Variants in PCDH7 observed in about 807,000 individuals in gnomAD.
The protein encoded by PCDH7 is protocadherin-7.
Under a neutral mutation model 58.9 loss-of-function variants are expected in PCDH7, and 17 were observed. That is an observed-to-expected ratio of 0.29 (90% CI 0.20 to 0.43). PCDH7 has a LOEUF of 0.43. Ranked by LOEUF, PCDH7 falls within the 20% of genes least tolerant of loss-of-function variation. PCDH7 has a pLI of 1.00. For missense variants in PCDH7, 1,274 were observed against 1,441.0 expected (o/e 0.88, Z 1.88); for synonymous variants, 664 against 616.4 (o/e 1.08, Z -1.14).
At chr4:31,080,787 A>G (rs1257577509) in intron 3 of PCDH7, among the ~76,000 whole-genome samples, 1 of 152,178 alleles carries the variant, frequency 6.6e-6, no homozygotes, top group Non-Finnish European at 1.5e-5. Context: ...CCCAAATCTC[A>G]TCTTGAATTG....
chr4:31,013,141 A>G (rs1456445629), intron 3 of PCDH7, among the ~76,000 whole-genome samples: 2 of 150,382 alleles, frequency 1.3e-5, no homozygotes, highest in Non-Finnish European at 3.0e-5. Context: ...GAGCTGTGAT[A>G]TGATCACACC....
At chr4:30,823,025 C>T (rs914347620) in intron 1 of PCDH7, among the ~76,000 whole-genome samples, 1 of 152,136 alleles carries the variant, frequency 6.6e-6, no homozygotes, top group Admixed American at 6.6e-5. Context: ...GTTGACAATA[C>T]AGGCATCACC....
At chr4:30,781,276 G>A (rs1446829433) in intron 1 of PCDH7, among the ~76,000 whole-genome samples, 1 of 151,474 alleles carries the variant, frequency 6.6e-6, no homozygotes, top group African/African-American at 2.4e-5. Context: ...GAGTAGCTGG[G>A]ACTACAGGTG....
chr4:30,733,990 A>G (rs1715885703), downstream of PCDH7, among the ~76,000 whole-genome samples: 1 of 152,174 alleles, frequency 6.6e-6, no homozygotes, highest in African/African-American at 2.4e-5. Context: ...AACTACAGCC[A>G]CATATGTGAT....
intron 1 of PCDH7, among the ~76,000 whole-genome samples, chr4:30,843,200 A>ATTAT (rs915556157): frequency 6.6e-5 from 10 of 150,674 alleles, no homozygotes; most frequent in East Asian, 2.0e-4. Context: ...ATAGAACTTT[A>ATTAT]TTATTTATTT....
chr4:30,899,767 G>A (rs910280492), intron 1 of PCDH7, among the ~76,000 whole-genome samples: 8 of 151,884 alleles, frequency 5.3e-5, no homozygotes, highest in African/African-American at 1.9e-4. Context: ...GTGTGTTTGT[G>A]GGGTGGGGGT....
intron 1 of PCDH7, among the ~76,000 whole-genome samples, chr4:30,850,311 G>T (rs531805554): frequency 2.0e-5 from 3 of 152,010 alleles, no homozygotes; most frequent in East Asian, 3.9e-4. Flanking sequence ...ATGGCTAAGC[G>T]CTGAGTTCGC....
chr4:30,946,597 G>C (rs1746707246), intron 2 of PCDH7, among the ~76,000 whole-genome samples: 1 of 151,682 alleles, frequency 6.6e-6, no homozygotes, highest in Non-Finnish European at 1.5e-5. Flanking sequence ...TCCAGTCTGT[G>C]AAAAGCAGTC....
chr4:30,745,642 C>T (rs1393180555), intron 1 of PCDH7, among the ~76,000 whole-genome samples: 1 of 151,934 alleles, frequency 6.6e-6, no homozygotes, highest in Non-Finnish European at 1.5e-5. Context: ...TCCTGTCACT[C>T]TTGGTCCCTG....
At chr4:30,828,009 T>A (rs891216198) in intron 1 of PCDH7, among the ~76,000 whole-genome samples, 2 of 152,142 alleles carry the variant, frequency 1.3e-5, no homozygotes, top group Admixed American at 1.3e-4. Flanking sequence ...CCTCTACTTC[T>A]GTTGCCTCAT....
At chr4:30,749,536 C>A (rs1324527552) in intron 1 of PCDH7, among the ~76,000 whole-genome samples, 1 of 152,002 alleles carries the variant, frequency 6.6e-6, no homozygotes, top group African/African-American at 2.4e-5. Flanking sequence ...GCCTGGTGGT[C>A]TTTTTTCTGT....
chr4:30,770,945 A>G (rs1721321165), intron 1 of PCDH7, among the ~76,000 whole-genome samples: 1 of 152,204 alleles, frequency 6.6e-6, no homozygotes, highest in Admixed American at 6.5e-5. Context: ...TTCCCACCAC[A>G]GAACACCACG....
At chr4:30,938,937 T>C (rs1745698129) in intron 2 of PCDH7, among the ~76,000 whole-genome samples, 1 of 152,182 alleles carries the variant, frequency 6.6e-6, no homozygotes, top group African/African-American at 2.4e-5. Context: ...AGTGTGTCCT[T>C]ATATTTTTGT....
intron 1 of PCDH7, 48 bp from the exon 2 acceptor site, chr4:30,920,105 A>ATTT: frequency 7.7e-7 from 1 of 1,293,612 alleles, no homozygotes. Flanking sequence ...AAATAAGATC[A>ATTT]TTTACAATCT....
chr4:30,788,568 G>T (rs1453506356), intron 1 of PCDH7, among the ~76,000 whole-genome samples: 1 of 151,968 alleles, frequency 6.6e-6, no homozygotes, highest in Non-Finnish European at 1.5e-5. Context: ...TTTATAAAAT[G>T]CCTATATTTC....
At chr4:31,103,793 A>C (rs1476189486) in intron 3 of PCDH7, among the ~76,000 whole-genome samples, 2 of 152,218 alleles carry the variant, frequency 1.3e-5, no homozygotes, top group Non-Finnish European at 2.9e-5. Context: ...GTACCTATTT[A>C]GAAACATTAA....
chr4:31,101,437 A>C (rs1323414945), intron 3 of PCDH7, among the ~76,000 whole-genome samples: 1 of 152,182 alleles, frequency 6.6e-6, no homozygotes, highest in Non-Finnish European at 1.5e-5. Flanking sequence ...TAGTGAGACA[A>C]TTTGGAGGAC....
At chr4:30,741,783 A>G (rs1184439180) in intron 1 of PCDH7, among the ~76,000 whole-genome samples, 1 of 152,244 alleles carries the variant, frequency 6.6e-6, no homozygotes, top group African/African-American at 2.4e-5. Context: ...GGGATGGAAC[A>G]ATCTGGCTCG....
At chr4:30,935,050 C>G (rs1315053555) in intron 2 of PCDH7, among the ~76,000 whole-genome samples, 1 of 151,988 alleles carries the variant, frequency 6.6e-6, no homozygotes, top group African/African-American at 2.4e-5. Flanking sequence ...TGAAGTATTA[C>G]TTTACTATAT....
Sources: gnomAD v4.1 joint callset for allele counts (sites outside exome capture counted in the v4.1 genomes callset) on GRCh38, gnomAD v4.1.1 for gene constraint, MANE v1.5 for transcripts, NCBI Gene and HGNC (gene_info 2026-07-23, HGNC 2026-07-21) for gene names.